The following MS4A8 variants were observed in gnomAD, a reference collection of about 807,000 sequenced individuals.
MS4A8 encodes the protein membrane spanning 4-domains A8.
MS4A8 carries 27 observed loss-of-function variants against 23.7 expected under a neutral mutation model. The ratio of observed to expected loss-of-function variants is 1.14; its 90% CI spans 0.84 to 1.57. The LOEUF (loss-of-function observed/expected upper bound fraction) is 1.57. Ranked by LOEUF, MS4A8 falls within the 40% of genes most tolerant of loss-of-function variation. The pLI is 0.00. For missense variants in MS4A8, 301 were observed against 311.4 expected (o/e 0.97, Z 0.25); for synonymous variants, 138 against 126.3 (o/e 1.09, Z -0.62).
intron 5 of MS4A8, among the ~76,000 whole-genome samples, chr11:60,714,443 C>T (rs1334781643): frequency 9.2e-5 from 14 of 152,180 alleles, no homozygotes; most frequent in Non-Finnish European, 1.5e-5. Context: ...TCTACACAGA[C>T]ACAGTAACAA....
chr11:60,700,024 G>C (rs1223974974), intron 1 of MS4A8, among the ~76,000 whole-genome samples: 1 of 152,182 alleles, frequency 6.6e-6, no homozygotes, highest in African/African-American at 2.4e-5. Flanking sequence ...AGCAGTGGAA[G>C]CCACCCAATG....
chr11:60,714,475 C>G (rs1361440093), intron 5 of MS4A8, among the ~76,000 whole-genome samples: 1 of 152,156 alleles, frequency 6.6e-6, no homozygotes, highest in Non-Finnish European at 1.5e-5. Flanking sequence ...TTTCTTTTCC[C>G]CACATTCAGA....
At chr11:60,709,010 T>G in intron 5 of MS4A8, 1 of 473,040 alleles carries the variant, frequency 2.1e-6, no homozygotes, top group Non-Finnish European at 3.8e-6. Context: ...GTGGCAATGT[T>G]GAGAGAATTA....
chr11:60,705,683 C>G (rs977116070), intron 3 of MS4A8, among the ~76,000 whole-genome samples: 11 of 152,176 alleles, frequency 7.2e-5, no homozygotes, highest in Non-Finnish European at 1.5e-4. Flanking sequence ...CCTTGGAAGG[C>G]AGAAACAGCT....
In MS4A8 at chr11:60,703,748, G is replaced by A. The variant is rs181418740; in HGVS notation, c.342+248G>A. Reference sequence around the variant, plus strand: ...AAATTTGTTATCTCACAGTTCTGGCGGCTGAAAGTCTGCGATGGAGATGTT... The same window carrying A: ...AAATTTGTTATCTCACAGTTCTGGCAGCTGAAAGTCTGCGATGGAGATGTT... On this transcript the variant is annotated intron_variant, in intron 3 of 6. Coordinates refer to ENST00000300226, the MANE Select transcript of MS4A8 (RefSeq NM_031457.2). Among the ~76,000 whole-genome samples the A allele has an allele frequency of 5.4e-4, 83 of 152,310 alleles. 2 individuals carry two copies. The South Asian group carries it at 7.5e-3, about 14-fold the overall frequency.
chr11:60,701,629 G>A (rs2088205464), intron 2 of MS4A8: 3 of 204,862 alleles, frequency 1.5e-5, no homozygotes, highest in Non-Finnish European at 2.0e-5. Flanking sequence ...CTCAGATAGT[G>A]CTCATGGGAA....
intron 5 of MS4A8, 174 bp downstream of exon 5, chr11:60,708,955 C>A (rs2088280109): frequency 1.5e-6 from 1 of 665,106 alleles, no homozygotes; most frequent in Non-Finnish European, 2.5e-6. Context: ...AGCACATGAC[C>A]TTTCCCAGTT....
At chr11:60,714,918 G>A (rs2088329890) in intron 5 of MS4A8, 103 bp from the exon 6 acceptor site, 1 of 797,124 alleles carries the variant, frequency 1.3e-6, no homozygotes, top group Non-Finnish European at 2.2e-6. Context: ...GAGGATAGGG[G>A]ACTTCCGCAA....
chr11:60,715,798 T>C lies in MS4A8; in HGVS notation c.*384T>C, dbSNP rs1226599569. The C allele has an allele frequency of 7.8e-6, 2 of 256,978 alleles. No homozygotes were observed. The highest frequency in any genetic ancestry group is 2.1e-4 in the East Asian group (2 of 9,312). 15.9% of individuals were successfully genotyped at this position (256,978 alleles called of 1,614,324 possible). A position where few individuals can be genotyped will look rare whatever the true frequency, so the allele number is the denominator to read the frequency against. On this transcript the variant is annotated 3_prime_UTR_variant, in exon 7 of 7. Transcript: ENST00000300226. ...ATTGTGCATTCATTTAATAAATAGATACTGAGCATTCAATGTGTTCAAGGC... is the reference window on the plus strand; with the variant it reads ...ATTGTGCATTCATTTAATAAATAGACACTGAGCATTCAATGTGTTCAAGGC...
chr11:60,711,340 T>C (rs1453528596), intron 5 of MS4A8, among the ~76,000 whole-genome samples: 2 of 152,232 alleles, frequency 1.3e-5, no homozygotes, highest in Non-Finnish European at 2.9e-5. Flanking sequence ...TAAAGACTTA[T>C]CTTTCCAAGA....
At chr11:60,700,073 G>A (rs1488181209) in intron 1 of MS4A8, among the ~76,000 whole-genome samples, 1 of 152,228 alleles carries the variant, frequency 6.6e-6, no homozygotes, top group South Asian at 2.1e-4. Flanking sequence ...CCCTTGAGAA[G>A]GATAATCTCC....
At chr11:60,707,079 C>T (rs370509039) in intron 4 of MS4A8, 32 bp downstream of exon 4, 5 of 1,589,114 alleles carry the variant, frequency 3.1e-6, no homozygotes, top group Admixed American at 3.3e-5. Flanking sequence ...GCTCTTCCAA[C>T]TGGAGACCTA....
At chr11:60,700,797 A>C in intron 1 of MS4A8, 63 bp from the exon 2 acceptor site, 1 of 1,541,526 alleles carries the variant, frequency 6.5e-7, no homozygotes, top group Non-Finnish European at 9.0e-7. Flanking sequence ...AAGAAGCAAA[A>C]GTCCTTTTTA....
chr11:60,708,703 AG>A lies in MS4A8; in HGVS notation c.457del (p.Val153SerfsTer8). The A allele has an allele frequency of 6.2e-7, 1 of 1,605,888 alleles. No individual in the cohort carries two copies. Among genetic ancestry groups the A allele is most frequent in the South Asian group, 1.1e-5 (1 of 89,286 alleles). On this transcript the variant is annotated frameshift_variant, in exon 5 of 7. Coordinates refer to ENST00000300226, the MANE Select transcript of MS4A8 (RefSeq NM_031457.2). LOFTEE classifies it high-confidence loss of function. ...TCAGTGCAATCTGCTCTGCAGTTGG[AG>A]TCATACTCTTCATCACAGATCTAAG... ...IVSAICSAVG[V>X]ILFITDLSIP... is the part of the protein sequence containing the mutation.
intron 5 of MS4A8, among the ~76,000 whole-genome samples, chr11:60,713,663 C>T (rs2088318040): frequency 6.6e-6 from 1 of 152,042 alleles, no homozygotes; most frequent in Non-Finnish European, 1.5e-5. Context: ...CTTACCTCAA[C>T]TGCAAAGAGC....
Position 60,715,300 on chromosome 11 carries a change from T to C in MS4A8, c.649-10T>C. On this transcript the variant is annotated splice_polypyrimidine_tract_variant and intron_variant, in intron 6 of 6. Transcript: ENST00000300226. ...TCTTAGCATGCCCCCTGTGTGCCTG[T>C]GTTTTCCAGGTGAGTGTCATCTATC... The C allele has an allele frequency of 6.2e-7, 1 of 1,613,262 alleles. No individual in the cohort carries two copies. Among genetic ancestry groups the C allele is most frequent in the Non-Finnish European group, 8.5e-7 (1 of 1,179,238 alleles).
intron 5 of MS4A8, chr11:60,712,522 G>T (rs555516281): frequency 1.0e-6 from 1 of 984,838 alleles, no homozygotes; most frequent in Non-Finnish European, 1.2e-6. Flanking sequence ...GGCCGGTCAC[G>T]GTGGCTCACA....
intron 5 of MS4A8, chr11:60,712,346 T>G (rs959909126): frequency 9.1e-6 from 9 of 985,272 alleles, no homozygotes; most frequent in Non-Finnish European, 1.1e-5. Context: ...CCTCTCAGGA[T>G]GCATTTCTTA....
intron 5 of MS4A8, among the ~76,000 whole-genome samples, chr11:60,714,358 CAGATT>C (rs2088324893): frequency 6.6e-6 from 1 of 152,146 alleles, no homozygotes; most frequent in Admixed American, 6.5e-5. Context: ...GGTAGGGTTA[CAGATT>C]AACAGCAGCT....
Sources: gnomAD v4.1 joint callset for allele counts (sites outside exome capture counted in the v4.1 genomes callset) on GRCh38, gnomAD v4.1.1 for gene constraint, MANE v1.5 for transcripts, NCBI Gene and HGNC (gene_info 2026-07-23, HGNC 2026-07-21) for gene names.